DLGAP2: variants seen among roughly 807,000 people sequenced by gnomAD.
The protein encoded by DLGAP2 is disks large-associated protein 2.
DLGAP2 carries 26 observed loss-of-function variants against 100.3 expected under a neutral mutation model. The observed-to-expected ratio is 0.26, with a 90% CI of 0.19 to 0.36. The LOEUF is 0.36. Ranked by LOEUF, DLGAP2 falls within the 10% of genes least tolerant of loss-of-function variation. The pLI, the probability that DLGAP2 is intolerant of heterozygous loss-of-function variation, is 1.00. For synonymous variants in DLGAP2, 886 were observed against 630.1 expected (o/e 1.41, Z -6.08); for missense variants, 1,858 against 1,453.2 (o/e 1.28, Z -4.53).
intron 2 of DLGAP2, among the ~76,000 whole-genome samples, chr8:969,925 AG>A (rs1203239104): frequency 1.3e-5 from 2 of 152,194 alleles, no homozygotes; most frequent in Non-Finnish European, 2.9e-5. Flanking sequence ...TAAACATTTG[AG>A]GTTATGTTCT....
chr8:966,638 T>C (rs1487297305), intron 2 of DLGAP2, among the ~76,000 whole-genome samples: 1 of 132,930 alleles, frequency 7.5e-6, no homozygotes, highest in Admixed American at 8.9e-5. Flanking sequence ...TCTTTTTCCC[T>C]CTAACAAAAT....
intron 2 of DLGAP2, among the ~76,000 whole-genome samples, chr8:1,052,474 C>T (rs1289287046): frequency 6.6e-6 from 1 of 152,136 alleles, no homozygotes; most frequent in African/African-American, 2.4e-5. Flanking sequence ...GTGGAAAAGG[C>T]AGTGGGGAGA....
intron 3 of DLGAP2, among the ~76,000 whole-genome samples, chr8:1,295,711 C>T (rs972938731): frequency 3.9e-5 from 6 of 152,332 alleles, no homozygotes; most frequent in African/African-American, 1.4e-4. Flanking sequence ...ACTCCGGGCC[C>T]CAGTCTCTCT....
chr8:1,540,153 G>C (rs554858012), intron 4 of DLGAP2, among the ~76,000 whole-genome samples: 1 of 152,280 alleles, frequency 6.6e-6, no homozygotes, highest in Admixed American at 6.5e-5. Context: ...TCAGAGATAC[G>C]TCCTACTTCC....
At chr8:1,681,807 TAA>T (rs1381725925) in intron 12 of DLGAP2, among the ~76,000 whole-genome samples, 1 of 152,182 alleles carries the variant, frequency 6.6e-6, no homozygotes, top group East Asian at 1.9e-4. Flanking sequence ...TCTGAGAGAT[TAA>T]GATCTTGCCC....
At chr8:891,899 T>A (rs1798042983) in intron 1 of DLGAP2, among the ~76,000 whole-genome samples, 1 of 152,132 alleles carries the variant, frequency 6.6e-6, no homozygotes, top group Admixed American at 6.5e-5. Flanking sequence ...GCCGGGCTAG[T>A]GACTGGGGCC....
intron 2 of DLGAP2, among the ~76,000 whole-genome samples, chr8:1,018,174 C>T (rs1801524854): frequency 6.6e-6 from 1 of 150,974 alleles, no homozygotes; most frequent in Admixed American, 6.6e-5. Context: ...TTATCCTAGA[C>T]TCTCACATGA....
At chr8:812,130 G>A (rs1165061051) in intron 1 of DLGAP2, among the ~76,000 whole-genome samples, 1 of 152,180 alleles carries the variant, frequency 6.6e-6, no homozygotes, top group East Asian at 1.9e-4. Context: ...GATTTAATGC[G>A]AGGAAGTGGC....
chr8:965,888 A>C (rs1445447911), intron 2 of DLGAP2, among the ~76,000 whole-genome samples: 2 of 151,902 alleles, frequency 1.3e-5, no homozygotes, highest in African/African-American at 2.4e-5. Context: ...AGCGCTGTTC[A>C]CCACCGCATG....
chr8:1,687,478 T>C (rs1381953485), intron 12 of DLGAP2, among the ~76,000 whole-genome samples: 3 of 152,212 alleles, frequency 2.0e-5, no homozygotes, highest in African/African-American at 7.2e-5. Flanking sequence ...TTTGCAATTA[T>C]AGGAAGCTAC....
intron 3 of DLGAP2, among the ~76,000 whole-genome samples, chr8:1,481,284 A>G (rs1386493409): frequency 6.6e-6 from 1 of 152,284 alleles, no homozygotes; most frequent in South Asian, 2.1e-4. Context: ...TCCATGTACA[A>G]GGCCATTAAA....
At chr8:1,475,409 TC>T (rs1017662323) in intron 3 of DLGAP2, among the ~76,000 whole-genome samples, 18 of 152,180 alleles carry the variant, frequency 1.2e-4, no homozygotes, top group Middle Eastern at 3.4e-3. Context: ...TACCTTTTCA[TC>T]CCCCTGAAGT....
intron 7 of DLGAP2, among the ~76,000 whole-genome samples, chr8:1,631,211 A>T (rs1797636521): frequency 6.6e-6 from 1 of 152,004 alleles, no homozygotes; most frequent in South Asian, 2.1e-4. Flanking sequence ...AGCATAGCCG[A>T]GGGTCCTTGC....
chr8:1,626,615 G>A (rs938600728), intron 6 of DLGAP2, 125 bp from the exon 7 acceptor site: 63 of 1,257,972 alleles, frequency 5.0e-5, no homozygotes, highest in African/African-American at 3.1e-4. Context: ...TGGGTTGGAC[G>A]GTCGTTCCCA....
intron 8 of DLGAP2, among the ~76,000 whole-genome samples, chr8:1,665,135 T>C (rs1798511499): frequency 1.3e-5 from 2 of 152,196 alleles, no homozygotes; most frequent in Non-Finnish European, 2.9e-5. Flanking sequence ...TGGAGATAAG[T>C]CATAAGCTGC....
chr8:1,258,746 G>T, intron 2 of DLGAP2, 105 bp from the exon 3 acceptor site: 1 of 1,005,862 alleles, frequency 9.9e-7, no homozygotes, highest in Non-Finnish European at 1.3e-6. Context: ...TGGTCAAGCG[G>T]CGTCATCTTA....
intron 3 of DLGAP2, among the ~76,000 whole-genome samples, chr8:1,326,050 A>C (rs1255426006): frequency 1.3e-5 from 2 of 152,300 alleles, no homozygotes; most frequent in African/African-American, 4.8e-5. Flanking sequence ...TTTGTTCAAT[A>C]AGCAGGAAAA....
chr8:1,704,253 T>C lies in DLGAP2; in HGVS notation c.*2847T>C. ...TCCATTGGAGAACACGGCTGAAAAT[T>C]ATTGTGCTGTTCTAGGAACATCATC... On this transcript the variant is annotated 3_prime_UTR_variant, in exon 15 of 15. Transcript: ENST00000637795. 1 of 152,276 alleles carries C rather than the reference T, an allele frequency of 6.6e-6. No homozygotes were observed. Among genetic ancestry groups the C allele is most frequent in the East Asian group, 1.9e-4 (1 of 5,202 alleles). 9.4% of individuals were successfully genotyped at this position (152,276 alleles called of 1,614,324 possible).
At chr8:1,153,158 G>A (rs1019977822) in intron 2 of DLGAP2, among the ~76,000 whole-genome samples, 4 of 152,248 alleles carry the variant, frequency 2.6e-5, no homozygotes, top group Admixed American at 2.6e-4. Flanking sequence ...CAAAGGGCCT[G>A]ACCCCTCAGT....
Sources: allele counts gnomAD v4.1 joint callset (sites outside exome capture counted in the v4.1 genomes callset), GRCh38; gene constraint gnomAD v4.1.1; transcripts MANE v1.5; gene names NCBI Gene and HGNC (gene_info 2026-07-23, HGNC 2026-07-21).